SLC41A2: variants seen among roughly 807,000 people sequenced by gnomAD.
SLC41A2 encodes solute carrier family 41 member 2, also known as SLC41A1-like 1.
In SLC41A2, 32 loss-of-function variants were observed where a neutral mutation model predicts 58.3. The observed-to-expected ratio is 0.55, with a 90% CI of 0.41 to 0.74. The LOEUF is 0.74. SLC41A2 is among the 30% of genes least tolerant of loss of function. SLC41A2 has a pLI of 0.00. For synonymous variants in SLC41A2, 190 were observed against 235.0 expected (o/e 0.81, Z 1.75); for missense variants, 514 against 680.6 (o/e 0.76, Z 2.72).
chr12:104,824,288 A>G (rs944628419), intron 10 of SLC41A2, among the ~76,000 whole-genome samples: 4 of 151,574 alleles, frequency 2.6e-5, no homozygotes, highest in African/African-American at 9.7e-5. Flanking sequence ...AGGCAGCTGG[A>G]CATCGAGAGG....
intron 7 of SLC41A2, 52 bp downstream of exon 7, chr12:104,866,380 G>GTA: frequency 7.2e-7 from 1 of 1,381,714 alleles, no homozygotes; most frequent in Non-Finnish European, 9.4e-7. Context: ...ACAGACAGAC[G>GTA]TACACACACA....
intron 1 of SLC41A2, among the ~76,000 whole-genome samples, chr12:104,933,792 C>A (rs2047159065): frequency 1.3e-5 from 2 of 151,944 alleles, no homozygotes; most frequent in African/African-American, 4.8e-5. Flanking sequence ...AGCTAGAGGC[C>A]ATTATTCTAA....
At chr12:104,899,855 C>T (rs939939440) in intron 3 of SLC41A2, among the ~76,000 whole-genome samples, 5 of 152,086 alleles carry the variant, frequency 3.3e-5, no homozygotes, top group African/African-American at 1.2e-4. Context: ...CAAGTGTAGG[C>T]CCCTCTCACA....
intron 10 of SLC41A2, 32 bp downstream of exon 10, chr12:104,844,440 T>C (rs1345040603): frequency 2.2e-6 from 3 of 1,356,438 alleles, no homozygotes; most frequent in African/African-American, 3.0e-5. Flanking sequence ...AGTCTCAGCA[T>C]AAAAGAGATT....
At chr12:104,866,680 C>T in intron 6 of SLC41A2, 101 bp from the exon 7 acceptor site, 1 of 929,552 alleles carries the variant, frequency 1.1e-6, no homozygotes, top group Non-Finnish European at 1.5e-6. Context: ...ACGACACTAT[C>T]AAACATATTA....
chr12:104,839,944 C>G (rs554304571), intron 10 of SLC41A2, among the ~76,000 whole-genome samples: 1 of 152,092 alleles, frequency 6.6e-6, no homozygotes, highest in Non-Finnish European at 1.5e-5. Context: ...CTAGTAGAAG[C>G]CTTAAATTAA....
At chr12:104,828,302 G>T (rs892447423) in intron 10 of SLC41A2, among the ~76,000 whole-genome samples, 1 of 152,126 alleles carries the variant, frequency 6.6e-6, no homozygotes, top group East Asian at 1.9e-4. Flanking sequence ...CTCCCTTCTG[G>T]CTCCCCCATC....
intron 1 of SLC41A2, among the ~76,000 whole-genome samples, chr12:104,929,776 A>G (rs2046985274): frequency 6.6e-6 from 1 of 152,250 alleles, no homozygotes; most frequent in Non-Finnish European, 1.5e-5. Context: ...GGGTGGCCCC[A>G]AAACCTAACT....
In SLC41A2 at chr12:104,901,592, C is replaced by T. The variant is rs377219691; in HGVS notation, c.664-6247G>A. Among the ~76,000 whole-genome samples, 5 of 151,938 alleles carry T rather than the reference C, an allele frequency of 3.3e-5. No homozygotes were observed. In the East Asian group the frequency reaches 9.7e-4, roughly 29 times the overall value. On this transcript the variant is annotated intron_variant, in intron 3 of 10. Coordinates refer to ENST00000258538, the MANE Select transcript of SLC41A2 (RefSeq NM_001352171.3). ...ACAGGGTCAGTCTCACTCTGTTGCC[C>T]AGGCTGGAGTGCAGTGGCCCCATCT...
intron 10 of SLC41A2, among the ~76,000 whole-genome samples, chr12:104,838,958 T>C (rs1450549015): frequency 1.3e-5 from 2 of 152,228 alleles, no homozygotes; most frequent in Non-Finnish European, 2.9e-5. Context: ...TGAGAATTTG[T>C]TGCCATTCTA....
chr12:104,861,451 C>A, intron 7 of SLC41A2, 81 bp from the exon 8 acceptor site: 1 of 720,940 alleles, frequency 1.4e-6, no homozygotes, highest in East Asian at 3.0e-5. Context: ...AGACACCCCT[C>A]CTTTTTAAAA....
At chr12:104,831,663 T>C (rs888200121) in intron 10 of SLC41A2, among the ~76,000 whole-genome samples, 11 of 152,198 alleles carry the variant, frequency 7.2e-5, no homozygotes, top group Admixed American at 7.2e-4. Flanking sequence ...ATGTTTAATC[T>C]CTCCAACTGA....
At chr12:104,849,679 T>A (rs753387981) in intron 8 of SLC41A2, among the ~76,000 whole-genome samples, 35 of 152,050 alleles carry the variant, frequency 2.3e-4, no homozygotes, top group Non-Finnish European at 3.7e-4. Flanking sequence ...AATAAAAAAA[T>A]TAGCTGGGTG....
At chr12:104,942,402 T>C (rs372753361) in intron 1 of SLC41A2, among the ~76,000 whole-genome samples, 13 of 149,646 alleles carry the variant, frequency 8.7e-5, no homozygotes, top group East Asian at 3.9e-4. Context: ...CACCTGAGCC[T>C]GAGAAGTCGA....
chr12:104,925,481 C>G (rs1807288823), intron 2 of SLC41A2, among the ~76,000 whole-genome samples: 1 of 152,056 alleles, frequency 6.6e-6, no homozygotes, highest in African/African-American at 2.4e-5. Flanking sequence ...CGGTATGAAC[C>G]CGGGAGGCGG....
chr12:104,851,377 A>G (rs1203061544), intron 8 of SLC41A2, among the ~76,000 whole-genome samples: 2 of 151,904 alleles, frequency 1.3e-5, no homozygotes, highest in Non-Finnish European at 2.9e-5. Context: ...CTATTTATTT[A>G]TTTATTCATT....
At position 104,831,653 on chromosome 12, in the gene SLC41A2, A is replaced by G. The variant is rs75817853; in HGVS notation, c.1536+12819T>C. ...ATACCTTCAAATTGTTTATGGGTGTATGTTTAATCTCTCCAACTGATATGT... is the reference window on the plus strand; with the variant it reads ...ATACCTTCAAATTGTTTATGGGTGTGTGTTTAATCTCTCCAACTGATATGT... On this transcript the variant is annotated intron_variant, in intron 10 of 10. Coordinates refer to ENST00000258538, the MANE Select transcript of SLC41A2 (RefSeq NM_001352171.3). 5.9e-3 allele frequency among the ~76,000 whole-genome samples: 894 copies of G among 152,282 alleles called. 17 individuals are homozygous for G. The highest frequency in any genetic ancestry group is 0.02 in the African/African-American group (840 of 41,560).
chr12:104,824,858 C>G (rs1175331538), intron 10 of SLC41A2, among the ~76,000 whole-genome samples: 1 of 152,170 alleles, frequency 6.6e-6, no homozygotes, highest in African/African-American at 2.4e-5. Flanking sequence ...ACCTTTTCAA[C>G]TGGGGGCTCA....
At chr12:104,906,587 AT>A (rs1219906086) in intron 3 of SLC41A2, among the ~76,000 whole-genome samples, 3 of 152,194 alleles carry the variant, frequency 2.0e-5, no homozygotes, top group African/African-American at 7.2e-5. Flanking sequence ...CTAAGGATAT[AT>A]TTGTCAAGGT....
Sources: allele counts gnomAD v4.1 joint callset (sites outside exome capture counted in the v4.1 genomes callset), GRCh38; gene constraint gnomAD v4.1.1; transcripts MANE v1.5; gene names NCBI Gene and HGNC (gene_info 2026-07-23, HGNC 2026-07-21).